SMS: variants seen among roughly 807,000 people sequenced by gnomAD.
The protein encoded by SMS is spermidine aminopropyltransferase.
SMS carries 3 observed loss-of-function variants against 33.0 expected under a neutral mutation model. The observed-to-expected ratio is 0.09, with a 90% CI of 0.04 to 0.23. SMS has a LOEUF of 0.23. SMS is among the 10% of genes least tolerant of loss of function. The pLI, the probability that SMS is intolerant of heterozygous loss-of-function variation, is 1.00. For synonymous variants in SMS, 103 were observed against 112.2 expected, an observed-to-expected ratio of 0.92 and a Z score of 0.52; for missense variants, 117 against 288.6, an observed-to-expected ratio of 0.41 and a Z score of 4.31.
chrX:21,951,895 C>A (rs994027227), intron 1 of SMS, among the ~76,000 whole-genome samples: 1 of 111,743 alleles, frequency 8.9e-6, no homozygotes, highest in Admixed American at 9.5e-5. Context: ...GCTCATTTTA[C>A]ACTATGGGGT....
chrX:21,979,931 CA>C (rs532310887), intron 7 of SMS, among the ~76,000 whole-genome samples: 10,432 of 58,708 alleles, frequency 0.18, 489 homozygotes, highest in Non-Finnish European at 0.2. Flanking sequence ...GAGAATGTCT[CA>C]AAAAAAAAAA....
chrX:21,952,354 T>A (rs1922660085), intron 1 of SMS, among the ~76,000 whole-genome samples: 1 of 111,176 alleles, frequency 9.0e-6, no homozygotes, highest in Non-Finnish European at 1.9e-5. Flanking sequence ...CTTTTTTGCA[T>A]AAATTAATAT....
intron 4 of SMS, among the ~76,000 whole-genome samples, chrX:21,973,990 G>C (rs1233050665): frequency 1.8e-5 from 2 of 112,788 alleles, no homozygotes; most frequent in Non-Finnish European, 3.7e-5. Flanking sequence ...ATTTACTCTT[G>C]CCCTGCCTTG....
At chrX:21,945,633 G>GCCCC (rs1569340036) in intron 1 of SMS, among the ~76,000 whole-genome samples, 1 of 49,716 alleles carries the variant, frequency 2.0e-5, no homozygotes, top group African/African-American at 9.9e-5. Context: ...TTTGCTTCCC[G>GCCCC]TCCCCCCCCC....
At chrX:21,971,279 T>C (rs760510393) in intron 2 of SMS, among the ~76,000 whole-genome samples, 1 of 93,924 alleles carries the variant, frequency 1.1e-5, no homozygotes, top group Non-Finnish European at 2.2e-5. Context: ...CACTCAAATA[T>C]GTTTATTTCA....
chrX:21,960,161 G>A (rs761700388), intron 1 of SMS, among the ~76,000 whole-genome samples: 5 of 111,161 alleles, frequency 4.5e-5, no homozygotes, highest in Non-Finnish European at 9.4e-5. Context: ...TGGAGGTTCG[G>A]CTTTGGGTCT....
At chrX:21,955,059 C>T in intron 1 of SMS, among the ~76,000 whole-genome samples, 1 of 111,393 alleles carries the variant, frequency 9.0e-6, no homozygotes, top group East Asian at 2.8e-4. Flanking sequence ...TGGTCTTGAA[C>T]TCCTGACCTC....
intron 9 of SMS, among the ~76,000 whole-genome samples, chrX:21,988,660 C>T (rs1925532233): frequency 3.0e-5 from 1 of 33,872 alleles, no homozygotes; most frequent in Non-Finnish European, 4.8e-5. Flanking sequence ...GAGACTCTGT[C>T]TCAAAAAAAA....
At chrX:21,949,437 A>G (rs774524493) in intron 1 of SMS, among the ~76,000 whole-genome samples, 1 of 112,313 alleles carries the variant, frequency 8.9e-6, no homozygotes, top group Non-Finnish European at 1.9e-5. Context: ...CTTGAAGGGT[A>G]ACGAAAGCTC....
rs1344938045 is a variant in SMS at position 21,984,391 on chromosome X, G to A, written c.838G>A (p.Val280Ile). Residue 280 changes from valine to isoleucine, a missense_variant, in exon 8 of 11, where the codon GTT becomes ATT. Physicochemically the swap from Val to Ile is conservative, Grantham distance 29. Around this residue, in one of 3 missense-constraint regions of SMS, gnomAD observed 69 missense variants for 203.8 expected, o/e 0.34. Transcript: ENST00000404933. ...TTATGTGATTAATGATTTGACAGCT[G>A]TTCCAATCTCCACGTCTCCAGAAGA... is the stretch of plus-strand genomic sequence containing the variant. The part of the protein sequence containing the change: ...FDYVINDLTA[V>I]PISTSPEEDS... 8 of 1,175,070 alleles carry A rather than the reference G, an allele frequency of 6.8e-6. 1 individual carries two copies. In the South Asian group the frequency reaches 1.2e-4, roughly 18 times the overall value.
At chrX:21,941,234 G>C (rs1416621894) in intron 1 of SMS, 2 of 114,421 alleles carry the variant, frequency 1.7e-5, no homozygotes, top group African/African-American at 6.5e-5. Context: ...GCTGCCGGGC[G>C]CGGGCGGACC....
intron 9 of SMS, among the ~76,000 whole-genome samples, chrX:21,991,816 T>C (rs890582193): frequency 1.8e-5 from 2 of 111,963 alleles, no homozygotes; most frequent in Non-Finnish European, 3.8e-5. Flanking sequence ...TTTTTCCTTG[T>C]GGTCACAGGA....
intron 7 of SMS, among the ~76,000 whole-genome samples, chrX:21,981,031 TGAAA>T (rs1006290165): frequency 3.6e-5 from 4 of 111,811 alleles, no homozygotes; most frequent in African/African-American, 1.3e-4. Context: ...TTTCTTGTAT[TGAAA>T]GAACAGGCCG....
intron 4 of SMS, among the ~76,000 whole-genome samples, chrX:21,974,737 T>C (rs913551438): frequency 9.0e-6 from 1 of 111,194 alleles, no homozygotes; most frequent in Admixed American, 9.6e-5. Context: ...AATACCTTGC[T>C]TATGCTTGTC....
chrX:21,987,984 C>G (rs768488833), intron 9 of SMS, among the ~76,000 whole-genome samples: 5 of 112,608 alleles, frequency 4.4e-5, no homozygotes, highest in African/African-American at 1.6e-4. Flanking sequence ...GATATCTTGC[C>G]TTTGCCAATA....
intron 10 of SMS, among the ~76,000 whole-genome samples, chrX:21,993,758 A>G (rs1301806835): frequency 8.9e-6 from 1 of 112,189 alleles, no homozygotes; most frequent in African/African-American, 3.2e-5. Context: ...TCCCCTCAGC[A>G]TTTTTGTCAG....
Position 21,988,847 on chromosome X carries a change from C to T in SMS, c.945+3624C>T, listed in dbSNP as rs941520028. On this transcript the variant is annotated intron_variant, in intron 9 of 10. Coordinates refer to ENST00000404933, the MANE Select transcript of SMS (RefSeq NM_004595.5). ...CATCCCAGGAAGCTGGGGAATGCATCGTGGAGGGACGTGGGAATCAAAGTG... is the reference window on the plus strand; with the variant it reads ...CATCCCAGGAAGCTGGGGAATGCATTGTGGAGGGACGTGGGAATCAAAGTG... Among the ~76,000 whole-genome samples the T allele has an allele frequency of 6.3e-5, 7 of 110,468 alleles. No individual in the cohort carries two copies. In the East Asian group the frequency reaches 1.7e-3, roughly 27 times the overall value.
intron 9 of SMS, among the ~76,000 whole-genome samples, chrX:21,987,039 A>T (rs1254796041): frequency 1.1e-5 from 1 of 88,425 alleles, no homozygotes; most frequent in Non-Finnish European, 2.1e-5. Context: ...CTTGTTTCCC[A>T]GGCTGGAGTG....
At chrX:21,956,450 A>AT (rs1235616505) in intron 1 of SMS, among the ~76,000 whole-genome samples, 2 of 108,529 alleles carry the variant, frequency 1.8e-5, no homozygotes, top group Non-Finnish European at 1.9e-5. Context: ...CACCTGGCTA[A>AT]TTTTTTTTTA....
Sources: gnomAD v4.1 joint callset for allele counts (sites outside exome capture counted in the v4.1 genomes callset) on GRCh38, gnomAD v4.1.1 for gene constraint, gnomAD v4.1.1 regional missense constraint, MANE v1.5 for transcripts, NCBI Gene and HGNC (gene_info 2026-07-23, HGNC 2026-07-21) for gene names.